The following GNB4 variants were observed in gnomAD, a reference collection of about 807,000 sequenced individuals.
The protein encoded by GNB4 is G protein subunit beta 4, also known as guanine nucleotide-binding protein subunit beta-4.
In GNB4, 28 loss-of-function variants were observed where a neutral mutation model predicts 45.2. The observed-to-expected ratio is 0.62, with a 90% CI of 0.46 to 0.85. The LOEUF (loss-of-function observed/expected upper bound fraction) is 0.85. Ranked by LOEUF, GNB4 falls within the 40% of genes least tolerant of loss-of-function variation. GNB4 has a pLI of 0.00. For synonymous variants in GNB4, 132 were observed against 143.7 expected (o/e 0.92, Z 0.58); for missense variants, 321 against 425.4 (o/e 0.75, Z 2.16).
intron 1 of GNB4, among the ~76,000 whole-genome samples, chr3:179,438,102 C>T (rs761412515): frequency 6.6e-6 from 1 of 151,970 alleles, no homozygotes; most frequent in Non-Finnish European, 1.5e-5. Flanking sequence ...GGCAGGATTA[C>T]CCCGAACTTA....
At chr3:179,479,627 G>A in the GNB4 span, among the ~76,000 whole-genome samples, 2 of 152,250 alleles carry the variant, frequency 1.3e-5, no homozygotes, top group South Asian at 2.1e-4. Flanking sequence ...TTTGCCAAGC[G>A]AATGGAGAAG....
At chr3:179,448,007 T>A (rs1265413079) in intron 1 of GNB4, among the ~76,000 whole-genome samples, 3 of 152,184 alleles carry the variant, frequency 2.0e-5, no homozygotes, top group Admixed American at 6.5e-5. Flanking sequence ...GTGTCAAATG[T>A]GGCTGAAGAT....
the GNB4 span, chr3:179,465,362 G>C: frequency 1.2e-6 from 1 of 863,154 alleles, no homozygotes; most frequent in Admixed American, 2.1e-5. Flanking sequence ...CCAGCACTTT[G>C]GGAGGCCGAG....
chr3:179,455,878 T>C (rs2108629410), upstream of GNB4, among the ~76,000 whole-genome samples: 1 of 152,312 alleles, frequency 6.6e-6, no homozygotes, highest in Admixed American at 6.5e-5. Context: ...AGCTGGAAGA[T>C]CAGCCAGGTG....
At chr3:179,468,051 G>GTATATAA in the GNB4 span, among the ~76,000 whole-genome samples, 1 of 67,086 alleles carries the variant, frequency 1.5e-5, no homozygotes. Context: ...TATATATATA[G>GTATATAA]AACAGGTGTG....
the GNB4 span, among the ~76,000 whole-genome samples, chr3:179,525,564 C>T: frequency 6.6e-6 from 1 of 152,046 alleles, no homozygotes. Flanking sequence ...GGGTGAATGA[C>T]CAAGGAGGTG....
At chr3:179,425,363 CTG>C (rs1400505650) in intron 2 of GNB4, among the ~76,000 whole-genome samples, 1 of 152,162 alleles carries the variant, frequency 6.6e-6, no homozygotes, top group Non-Finnish European at 1.5e-5. Flanking sequence ...GTTCTAGTGT[CTG>C]TTAATTTTGT....
the GNB4 span, among the ~76,000 whole-genome samples, chr3:179,495,908 A>T: frequency 4.4e-3 from 667 of 152,338 alleles, 3 homozygotes; most frequent in African/African-American, 0.015. Flanking sequence ...AGAAAAACAA[A>T]AGCTGAGGGA....
chr3:179,488,896 A>G, the GNB4 span, among the ~76,000 whole-genome samples: 4 of 146,836 alleles, frequency 2.7e-5, no homozygotes, highest in Non-Finnish European at 4.5e-5. Flanking sequence ...ACGCAGGAGG[A>G]TCGCTTGAAT....
At chr3:179,404,120 A>G (rs921420143) in intron 9 of GNB4, among the ~76,000 whole-genome samples, 3 of 152,246 alleles carry the variant, frequency 2.0e-5, no homozygotes, top group African/African-American at 7.2e-5. Flanking sequence ...AACTAAGAAT[A>G]TAAACCAAAA....
the GNB4 span, among the ~76,000 whole-genome samples, chr3:179,495,194 T>C: frequency 5.3e-5 from 8 of 151,786 alleles, no homozygotes; most frequent in Non-Finnish European, 7.4e-5. Flanking sequence ...TAGAGACCAG[T>C]ATGGGCAAGA....
chr3:179,491,198 G>T, the GNB4 span, among the ~76,000 whole-genome samples: 1 of 152,274 alleles, frequency 6.6e-6, no homozygotes, highest in East Asian at 1.9e-4. Flanking sequence ...ATAAGAAAAG[G>T]TTCCTGTGCT....
chr3:179,431,825 T>A (rs1160585258), intron 1 of GNB4, among the ~76,000 whole-genome samples: 21 of 152,204 alleles, frequency 1.4e-4, no homozygotes, highest in Admixed American at 1.4e-3. Flanking sequence ...TTCCTCAGTG[T>A]GTTCAGCTGT....
At chr3:179,524,445 G>A in the GNB4 span, among the ~76,000 whole-genome samples, 1 of 152,230 alleles carries the variant, frequency 6.6e-6, no homozygotes, top group Non-Finnish European at 1.5e-5. Context: ...CTGTGGCTTA[G>A]GCATTTTGAA....
chr3:179,513,189 A>ATT, the GNB4 span, among the ~76,000 whole-genome samples: 19,107 of 123,176 alleles, frequency 0.16, 1,886 homozygotes, highest in Admixed American at 0.17. Context: ...ATGTGCAGCA[A>ATT]TTTTTTTTTT....
At chr3:179,474,917 C>T in the GNB4 span, among the ~76,000 whole-genome samples, 48 of 151,424 alleles carry the variant, frequency 3.2e-4, no homozygotes, top group African/African-American at 1.1e-3. Flanking sequence ...GTACTTGGTT[C>T]AAGACTGGGT....
At chr3:179,460,692 TAG>T in the GNB4 span, among the ~76,000 whole-genome samples, 1 of 152,074 alleles carries the variant, frequency 6.6e-6, no homozygotes, top group African/African-American at 2.4e-5. Context: ...TTTTTAAAGA[TAG>T]AGTCTCACTA....
the GNB4 span, among the ~76,000 whole-genome samples, chr3:179,507,855 A>G: frequency 1.3e-4 from 20 of 152,220 alleles, no homozygotes; most frequent in Non-Finnish European, 2.1e-4. Flanking sequence ...ATCACAGATC[A>G]TGTCTTGTTC....
chr3:179,511,030 GC>G, the GNB4 span, among the ~76,000 whole-genome samples: 1 of 152,158 alleles, frequency 6.6e-6, no homozygotes, highest in African/African-American at 2.4e-5. Context: ...TAAACCCACT[GC>G]CATGGGAGGT....
Sources: gnomAD v4.1 joint callset for allele counts (sites outside exome capture counted in the v4.1 genomes callset) on GRCh38, gnomAD v4.1.1 for gene constraint, MANE v1.5 for transcripts, NCBI Gene and HGNC (gene_info 2026-07-23, HGNC 2026-07-21) for gene names.